The following ZFAND6 variants were observed in gnomAD, a reference collection of about 807,000 sequenced individuals.
The protein encoded by ZFAND6 is AN1-type zinc finger protein 6.
ZFAND6 carries 12 observed loss-of-function variants against 24.5 expected under a neutral mutation model. That is an observed-to-expected ratio of 0.49 (90% CI 0.31 to 0.79). ZFAND6 has a LOEUF of 0.79. Ranked by LOEUF, ZFAND6 falls within the 30% of genes least tolerant of loss-of-function variation. The pLI is 0.04. For synonymous variants in ZFAND6, 92 were observed against 81.5 expected (o/e 1.13, Z -0.69); for missense variants, 207 against 245.9 (o/e 0.84, Z 1.06).
chr15:80,094,094 C>A (rs1459020748), intron 1 of ZFAND6, among the ~76,000 whole-genome samples: 1 of 152,198 alleles, frequency 6.6e-6, no homozygotes, highest in African/African-American at 2.4e-5. Flanking sequence ...GAATCTGGTT[C>A]TTTTAGCTAT....
chr15:80,090,624 A>G (rs2038299751), intron 1 of ZFAND6, among the ~76,000 whole-genome samples: 2 of 152,186 alleles, frequency 1.3e-5, no homozygotes, highest in Admixed American at 6.5e-5. Context: ...TTTAACTGGC[A>G]GAGCCAATGA....
rs12915043 is a variant in ZFAND6 at position 80,121,652 on chromosome 15, A to T, written c.155-60A>T. On this transcript the variant is annotated intron_variant, in intron 3 of 6. Transcript: ENST00000261749. ...GGAAAATGGATTTTGATTTTTTTAG[A>T]TAAGGTCTTAGACTGCTGAGCATAT... 105,048 of 1,403,220 alleles carry T rather than the reference A, an allele frequency of 0.075. 4,567 individuals are homozygous for T. The highest frequency in any genetic ancestry group is 0.18 in the East Asian group (7,541 of 43,062). 86.9% of individuals were successfully genotyped at this position (1,403,220 alleles called of 1,614,324 possible). A position where few individuals can be genotyped will look rare whatever the true frequency, so the allele number is the denominator to read the frequency against.
intron 6 of ZFAND6, among the ~76,000 whole-genome samples, chr15:80,133,022 A>T (rs1567102675): frequency 6.6e-6 from 1 of 151,988 alleles, no homozygotes; most frequent in Non-Finnish European, 1.5e-5. Context: ...TTTTTATGAA[A>T]TACCTTTTTA....
At chr15:80,108,113 T>C (rs1416660876) in intron 2 of ZFAND6, among the ~76,000 whole-genome samples, 1 of 152,198 alleles carries the variant, frequency 6.6e-6, no homozygotes, top group Non-Finnish European at 1.5e-5. Context: ...TATTTATAAG[T>C]GCTTGGCACA....
chr15:80,101,462 C>CA (rs1465821041), intron 2 of ZFAND6, among the ~76,000 whole-genome samples: 3 of 151,262 alleles, frequency 2.0e-5, no homozygotes, highest in Non-Finnish European at 4.4e-5. Flanking sequence ...GACTCCATCT[C>CA]AAAGAAAAAA....
chr15:80,070,712 AT>A (rs1169096979), intron 1 of ZFAND6, among the ~76,000 whole-genome samples: 1 of 152,162 alleles, frequency 6.6e-6, no homozygotes, highest in Non-Finnish European at 1.5e-5. Flanking sequence ...GAAGTGAAAA[AT>A]TGATGCGAGA....
intron 2 of ZFAND6, among the ~76,000 whole-genome samples, chr15:80,106,705 T>C (rs1013353351): frequency 2.0e-5 from 3 of 152,116 alleles, no homozygotes; most frequent in African/African-American, 7.2e-5. Flanking sequence ...GTTGTTTTCC[T>C]CTGAATTTGT....
chr15:80,090,994 T>C (rs2141897241), intron 1 of ZFAND6, among the ~76,000 whole-genome samples: 1 of 152,348 alleles, frequency 6.6e-6, no homozygotes, highest in East Asian at 1.9e-4. Flanking sequence ...GTTTTTCTAC[T>C]GAAATATTCT....
intron 2 of ZFAND6, among the ~76,000 whole-genome samples, chr15:80,103,504 G>C (rs148849565): frequency 3.9e-5 from 6 of 152,288 alleles, no homozygotes; most frequent in Admixed American, 3.9e-4. Flanking sequence ...GATATGCTCT[G>C]AAGTGTTCAT....
chr15:80,085,110 G>C (rs6495474), intron 1 of ZFAND6, among the ~76,000 whole-genome samples: 1 of 152,032 alleles, frequency 6.6e-6, no homozygotes, highest in African/African-American at 2.4e-5. Context: ...TCTTCCATAC[G>C]TCATACCAGG....
intron 1 of ZFAND6, among the ~76,000 whole-genome samples, chr15:80,076,069 C>T (rs1222860120): frequency 2.0e-5 from 3 of 152,132 alleles, no homozygotes; most frequent in Non-Finnish European, 4.4e-5. Context: ...AATGTTTCTC[C>T]TTTACAACCA....
chr15:80,068,031 G>A (rs1376442367), intron 1 of ZFAND6, among the ~76,000 whole-genome samples: 1 of 151,650 alleles, frequency 6.6e-6, no homozygotes, highest in East Asian at 1.9e-4. Flanking sequence ...GCACAATCTC[G>A]GCTCACTGCA....
chr15:80,060,434 C>T (rs1183686104), intron 1 of ZFAND6: 3 of 152,094 alleles, frequency 2.0e-5, no homozygotes, highest in South Asian at 4.1e-4. Flanking sequence ...TAAGTTTTAG[C>T]TACCTAAAAA....
At chr15:80,101,513 T>G (rs776295341) in intron 2 of ZFAND6, among the ~76,000 whole-genome samples, 17 of 152,158 alleles carry the variant, frequency 1.1e-4, no homozygotes, top group Non-Finnish European at 2.4e-4. Context: ...TGTCTCAATC[T>G]GCTGTGTGCA....
At chr15:80,116,090 T>G (rs1011530354) in intron 2 of ZFAND6, among the ~76,000 whole-genome samples, 1 of 145,512 alleles carries the variant, frequency 6.9e-6, no homozygotes, top group Admixed American at 6.8e-5. Flanking sequence ...CCTTTTTAGG[T>G]TTTTTTTTTG....
At chr15:80,130,093 G>C (rs2040531576) in intron 5 of ZFAND6, 1 of 152,144 alleles carries the variant, frequency 6.6e-6, no homozygotes, top group Non-Finnish European at 1.5e-5. Context: ...ACATCAGAGG[G>C]AACACCATTA....
chr15:80,089,272 T>TG (rs1224792939), intron 1 of ZFAND6, among the ~76,000 whole-genome samples: 8 of 139,984 alleles, frequency 5.7e-5, no homozygotes, highest in Non-Finnish European at 1.1e-4. Context: ...TTTTTTTTTT[T>TG]TTTTTTTTTT....
chr15:80,129,318 G>C (rs1006890493), intron 5 of ZFAND6, among the ~76,000 whole-genome samples: 2 of 152,222 alleles, frequency 1.3e-5, no homozygotes, highest in Non-Finnish European at 2.9e-5. Flanking sequence ...TGTCTGAGTG[G>C]AGTAACATGC....
At chr15:80,108,287 G>C (rs4778748) in intron 2 of ZFAND6, among the ~76,000 whole-genome samples, 14,261 of 152,206 alleles carry the variant, frequency 0.094, 971 homozygotes, top group Admixed American at 0.21. Context: ...TTTACCTTAG[G>C]GGGAGAAGAG....
Sources: allele counts gnomAD v4.1 joint callset (sites outside exome capture counted in the v4.1 genomes callset), GRCh38; gene constraint gnomAD v4.1.1; transcripts MANE v1.5; gene names NCBI Gene and HGNC (gene_info 2026-07-23, HGNC 2026-07-21).